The following PCDHGA10 variants were observed in gnomAD, a reference collection of about 807,000 sequenced individuals.
The protein encoded by PCDHGA10 is protocadherin gamma-A10.
In PCDHGA10, 42 loss-of-function variants were observed where a neutral mutation model predicts 59.5. That is an observed-to-expected ratio of 0.71 (90% CI 0.55 to 0.91). PCDHGA10 has a LOEUF of 0.91. Among genes scored for constraint, PCDHGA10 ranks in the 40% least tolerant of loss-of-function variants. The pLI is 0.00. For synonymous variants in PCDHGA10, 511 were observed against 517.2 expected (o/e 0.99, Z 0.16); for missense variants, 1,111 against 1,198.2 (o/e 0.93, Z 1.07).
chr5:141,497,210 G>T (rs988856908), intron 2 of PCDHGA10, among the ~76,000 whole-genome samples: 1 of 28,140 alleles, frequency 3.6e-5, no homozygotes, highest in African/African-American at 1.1e-3. Context: ...TGAGTGTAAT[G>T]GGGGGGGGAA....
In PCDHGA10 at chr5:141,485,244, T is replaced by C; in HGVS notation, c.2437-9563T>C. ...ACCCTTTTGTTCCTCTTTTACCACC[T>C]GGGTTACGTTTGTGGGCAGATCCGC... On this transcript the variant is annotated intron_variant, in intron 1 of 3. Transcript: ENST00000398610. This position sits in a 1 kb window ranked among gnomAD's most constrained non-coding sequence, Gnocchi z 5.7. 1 of 1,614,168 alleles carries C rather than the reference T, an allele frequency of 6.2e-7. No individual in the cohort carries two copies. Among genetic ancestry groups the C allele is most frequent in the Admixed American group, 1.7e-5 (1 of 60,016 alleles).
At chr5:141,458,632 C>T (rs779075931) in intron 1 of PCDHGA10, among the ~76,000 whole-genome samples, 1 of 151,898 alleles carries the variant, frequency 6.6e-6, no homozygotes, top group Non-Finnish European at 1.5e-5. Context: ...TGCAGTGGCA[C>T]AATCCCAGCT....
intron 1 of PCDHGA10, chr5:141,417,791 C>T: frequency 6.7e-7 from 1 of 1,482,658 alleles, no homozygotes; most frequent in Non-Finnish European, 9.0e-7. Context: ...GCCGAATGCT[C>T]TTTTAGCGCG....
chr5:141,436,414 A>G (rs1459862288), intron 1 of PCDHGA10, among the ~76,000 whole-genome samples: 1 of 152,234 alleles, frequency 6.6e-6, no homozygotes, highest in East Asian at 1.9e-4. Flanking sequence ...ATGAATGGAT[A>G]AACAAATAAT....
rs761264372 is a variant in PCDHGA10 at position 141,489,500 on chromosome 5, A to G, written c.2437-5307A>G. 12 of 1,614,112 alleles carry G rather than the reference A, an allele frequency of 7.4e-6. No individual in the cohort carries two copies. In the South Asian group the frequency reaches 1.3e-4, roughly 18 times the overall value. On this transcript the variant is annotated intron_variant, in intron 1 of 3. Coordinates refer to ENST00000398610, the MANE Select transcript of PCDHGA10 (RefSeq NM_018913.3). This position sits in a 1 kb window ranked among gnomAD's most constrained non-coding sequence, Gnocchi z 4.5. ...TTGATGAGTGGTGCCCTGGCAGTGA[A>G]TCAAAAGATTGACCGAGAAAGCCTA...
rs190948188 is a variant in PCDHGA10 at position 141,505,972 on chromosome 5, C to T, written c.2584+491C>T. Among the ~76,000 whole-genome samples the T allele has an allele frequency of 5.4e-4, 82 of 152,250 alleles. 1 individual carries two copies. The highest frequency in any genetic ancestry group is 1.9e-3 in the African/African-American group (79 of 41,558). ...GAAAGTGGGTGTAGAAATCCCCAGC[C>T]GAGAGAACACCTCCTCTTTATGCGA... On this transcript the variant is annotated intron_variant, in intron 3 of 3. Transcript: ENST00000398610.
Position 141,432,097 on chromosome 5 carries a change from C to G in PCDHGA10, c.2436+16486C>G. ...TCTCGCTGAACGTGGCAGACACCAA[C>G]GACAACCCGCCGGTCTTCCCTCAGG... On this transcript the variant is annotated intron_variant, in intron 1 of 3. Transcript: ENST00000398610. This position sits in a 1 kb window ranked among gnomAD's most constrained non-coding sequence, Gnocchi z 6.0. The G allele has an allele frequency of 6.2e-7, 1 of 1,614,184 alleles. No homozygotes were observed.
In PCDHGA10 at chr5:141,413,809, C is replaced by G; in HGVS notation, c.634C>G (p.His212Asp). 6.2e-7 allele frequency: 1 copy of G among 1,613,188 alleles called. No homozygotes were observed. The change falls in exon 1 of 4, where the codon CAC becomes GAC. Residue 212 changes from histidine (H) to aspartate (D), a missense_variant. His to Asp is a moderately conservative substitution (Grantham distance 81, BLOSUM62 -1). Transcript: ENST00000398610. ...HSLDREEEAIHHLVLTASDGG... is the reference protein window; with the variant it reads ...HSLDREEEAIDHLVLTASDGG... ...CCTAGATCGCGAGGAAGAGGCCATT[C>G]ACCACCTGGTCCTCACCGCCTCCGA...
chr5:141,453,791 A>G (rs979646024), intron 1 of PCDHGA10, among the ~76,000 whole-genome samples: 2 of 152,268 alleles, frequency 1.3e-5, no homozygotes, highest in African/African-American at 2.4e-5. Context: ...ATGGTATATT[A>G]ACTTTGAGTA....
intron 1 of PCDHGA10, among the ~76,000 whole-genome samples, chr5:141,488,225 T>G (rs2099673126): frequency 6.6e-6 from 1 of 152,136 alleles, no homozygotes. Flanking sequence ...CTACTGGGGA[T>G]TTGAACTAGA....
intron 1 of PCDHGA10, chr5:141,430,592 C>A (rs2097296542): frequency 1.8e-6 from 1 of 544,568 alleles, no homozygotes; most frequent in Non-Finnish European, 2.9e-6. Flanking sequence ...TCGCCTTGCA[C>A]GCGCCTGAAG....
intron 1 of PCDHGA10, among the ~76,000 whole-genome samples, chr5:141,426,133 G>A (rs2096916691): frequency 6.6e-6 from 1 of 152,212 alleles, no homozygotes. Context: ...GCCAAGACTT[G>A]GGCTTTCTGC....
chr5:141,476,412 G>T lies in PCDHGA10; in HGVS notation c.2437-18395G>T. The T allele has an allele frequency of 1.2e-6, 2 of 1,614,140 alleles. No homozygotes were observed. Among genetic ancestry groups the T allele is most frequent in the Non-Finnish European group, 1.7e-6 (2 of 1,180,010 alleles). On this transcript the variant is annotated intron_variant, in intron 1 of 3. Coordinates refer to ENST00000398610, the MANE Select transcript of PCDHGA10 (RefSeq NM_018913.3). The surrounding 1 kb of genome is among the most constrained non-coding windows in gnomAD (Gnocchi z 7.6). ...CGTCTGGATCGAGAGGAGCTGTGTGGGACACTGCCCTCTTGCACTGTAACT... is the reference window on the plus strand; with the variant it reads ...CGTCTGGATCGAGAGGAGCTGTGTGTGACACTGCCCTCTTGCACTGTAACT...
chr5:141,492,359 C>A (rs1292383129), intron 1 of PCDHGA10, among the ~76,000 whole-genome samples: 3 of 152,336 alleles, frequency 2.0e-5, no homozygotes, highest in African/African-American at 7.2e-5. Flanking sequence ...GCCACTCGCT[C>A]GCGGCCAGAT....
chr5:141,505,413 C>T lies in PCDHGA10; in HGVS notation c.2516C>T (p.Thr839Ile), dbSNP rs1240988786. ...CCCAGCTCCCAAAATGGCGATGACA[C>T]CGGCACCTGGCCCAACAACCAGTTT... is the stretch of plus-strand genomic sequence containing the variant. ...GTSGSQNGDD[T>I]GTWPNNQFDT... Residue 839 changes from threonine to isoleucine, a missense_variant, in exon 3 of 4, where the codon ACC becomes ATC. By Grantham distance (89) the Thr-to-Ile change is moderately conservative. Coordinates refer to ENST00000398610, the MANE Select transcript of PCDHGA10 (RefSeq NM_018913.3). 10 of 1,614,202 alleles carry T rather than the reference C, an allele frequency of 6.2e-6. No homozygotes were observed. Among genetic ancestry groups the T allele is most frequent in the Non-Finnish European group, 7.6e-6 (9 of 1,180,046 alleles).
At chr5:141,504,269 A>T (rs7715517) in intron 2 of PCDHGA10, among the ~76,000 whole-genome samples, 3,100 of 152,246 alleles carry the variant, frequency 0.02, 113 homozygotes, top group African/African-American at 0.07. Context: ...GTATTTTTTT[A>T]AATTATGAAT....
At chr5:141,445,805 A>G (rs2098478274) in intron 1 of PCDHGA10, among the ~76,000 whole-genome samples, 2 of 152,236 alleles carry the variant, frequency 1.3e-5, no homozygotes, top group South Asian at 4.1e-4. Flanking sequence ...GAAAATAAAT[A>G]GATGAAACTA....
At chr5:141,428,112 A>G (rs2097111373) in intron 1 of PCDHGA10, 1 of 1,607,642 alleles carries the variant, frequency 6.2e-7, no homozygotes, top group Non-Finnish European at 8.5e-7. Context: ...GCTGCAGGCC[A>G]TCGAGCCCGG....
intron 1 of PCDHGA10, chr5:141,478,046 C>A (rs762982394): frequency 3.7e-6 from 6 of 1,614,172 alleles, no homozygotes; most frequent in Non-Finnish European, 5.1e-6. Flanking sequence ...CAGGCAGACT[C>A]TCACGGTCTT....
Sources: gnomAD v4.1 joint callset for allele counts (sites outside exome capture counted in the v4.1 genomes callset) on GRCh38, gnomAD v4.1.1 for gene constraint, Gnocchi (gnomAD v3.1) non-coding constraint, MANE v1.5 for transcripts, NCBI Gene and HGNC (gene_info 2026-07-23, HGNC 2026-07-21) for gene names.